The following AUTS2 variants were observed in gnomAD, a reference collection of about 807,000 sequenced individuals.
AUTS2 encodes the protein activator of transcription and developmental regulator AUTS2.
AUTS2 carries 17 observed loss-of-function variants against 112.4 expected under a neutral mutation model. That is an observed-to-expected ratio of 0.15 (90% CI 0.10 to 0.23). The LOEUF (loss-of-function observed/expected upper bound fraction) is 0.23, where lower values mean the gene tolerates loss of function less well. Ranked by LOEUF, AUTS2 falls within the 10% of genes least tolerant of loss-of-function variation. The probability of loss-of-function intolerance (pLI) is 1.00; values close to 1 mark genes in which losing one functional copy is unlikely to be tolerated. For missense variants in AUTS2, 1,510 were observed against 1,701.6 expected (o/e 0.89, Z 1.98); for synonymous variants, 751 against 702.7 (o/e 1.07, Z -1.09).
chr7:69,763,746 A>G (rs1209606647), intron 1 of AUTS2, among the ~76,000 whole-genome samples: 1 of 152,236 alleles, frequency 6.6e-6, no homozygotes, highest in African/African-American at 2.4e-5. Flanking sequence ...TGATGCCCTT[A>G]GAACAGTGCT....
chr7:70,363,360 C>T (rs1377627199), intron 4 of AUTS2, among the ~76,000 whole-genome samples: 1 of 140,750 alleles, frequency 7.1e-6, no homozygotes, highest in African/African-American at 3.2e-5. Context: ...TGCTAGATGA[C>T]ACATTGGTGG....
chr7:69,900,905 A>C (rs531985679), intron 2 of AUTS2, among the ~76,000 whole-genome samples: 1 of 152,160 alleles, frequency 6.6e-6, no homozygotes, highest in Non-Finnish European at 1.5e-5. Flanking sequence ...ACATTCAGTG[A>C]GGGAGTTTTT....
chr7:70,474,997 C>A (rs1204649613), intron 5 of AUTS2, among the ~76,000 whole-genome samples: 1 of 152,172 alleles, frequency 6.6e-6, no homozygotes, highest in African/African-American at 2.4e-5. Context: ...AGGGCAGTGA[C>A]ATTTATATCT....
chr7:69,774,009 T>C (rs1179148000), intron 1 of AUTS2, among the ~76,000 whole-genome samples: 1 of 152,226 alleles, frequency 6.6e-6, no homozygotes, highest in African/African-American at 2.4e-5. Flanking sequence ...GCAGGCAATG[T>C]GACCCAGTGC....
chr7:69,662,472 C>T (rs1045086635), intron 1 of AUTS2, among the ~76,000 whole-genome samples: 6 of 152,094 alleles, frequency 3.9e-5, no homozygotes, highest in African/African-American at 1.4e-4. Flanking sequence ...ACCAGTAGCA[C>T]CCCTCAAGTG....
At chr7:70,265,295 G>A (rs75395209) in intron 4 of AUTS2, among the ~76,000 whole-genome samples, 2,286 of 152,278 alleles carry the variant, frequency 0.015, 45 homozygotes, top group East Asian at 0.1. Flanking sequence ...GGCTGTCCCC[G>A]TTGTAAATCC....
rs751337002 is a variant in AUTS2, at chr7:70,766,118, A to G, written c.1473A>G (p.Gln491=). 1 of 1,612,664 alleles carries G rather than the reference A, an allele frequency of 6.2e-7. No individual in the cohort carries two copies. ...CTCCCTCTTCTTCTCTTCCAGAGCA[A>G]GACATCTTGCGACAGGAACTGAACA... ...GHPAGSTYSE[Q]DILRQELNTR... is the part of the protein sequence containing the mutation. Residue 491 remains glutamine, a synonymous_variant, in exon 9 of 19, where the codon CAA becomes CAG. Transcript: ENST00000342771. The surrounding 1 kb of genome is among the most constrained non-coding windows in gnomAD (Gnocchi z 4.8).
intron 5 of AUTS2, among the ~76,000 whole-genome samples, chr7:70,443,617 T>C (rs142135443): frequency 6.6e-6 from 1 of 152,302 alleles, no homozygotes; most frequent in Non-Finnish European, 1.5e-5. Flanking sequence ...CTCGGGTATA[T>C]GTGTGTGTAC....
chr7:70,443,710 C>T (rs6977656), intron 5 of AUTS2, among the ~76,000 whole-genome samples: 20,632 of 152,166 alleles, frequency 0.14, 1,817 homozygotes, highest in Non-Finnish European at 0.18. Flanking sequence ...GTCTTTCAGT[C>T]ATACATATCC....
At chr7:70,529,939 G>T (rs2129497624) in intron 5 of AUTS2, among the ~76,000 whole-genome samples, 2 of 152,314 alleles carry the variant, frequency 1.3e-5, no homozygotes, top group South Asian at 4.1e-4. Flanking sequence ...GGAAAAATAT[G>T]TTCTGGAAAA....
intron 1 of AUTS2, among the ~76,000 whole-genome samples, chr7:69,615,337 C>T (rs1006968263): frequency 4.6e-5 from 7 of 152,116 alleles, no homozygotes; most frequent in Non-Finnish European, 8.8e-5. Context: ...GAGTCTTGCT[C>T]TATCGCCCAG....
chr7:69,640,758 C>G (rs1315428936), intron 1 of AUTS2, among the ~76,000 whole-genome samples: 1 of 152,074 alleles, frequency 6.6e-6, no homozygotes, highest in Non-Finnish European at 1.5e-5. Flanking sequence ...TAATATCCCC[C>G]AGAACTTTGA....
intron 5 of AUTS2, among the ~76,000 whole-genome samples, chr7:70,680,221 A>C (rs888615922): frequency 1.1e-4 from 16 of 152,216 alleles, no homozygotes; most frequent in Non-Finnish European, 2.2e-4. Context: ...TTTATTTTTC[A>C]GCACAGAGAC....
At chr7:70,472,616 A>G (rs1797435801) in intron 5 of AUTS2, among the ~76,000 whole-genome samples, 1 of 152,234 alleles carries the variant, frequency 6.6e-6, no homozygotes, top group South Asian at 2.1e-4. Context: ...GCTGGATACA[A>G]TGAGGTAAGC....
chr7:70,119,672 A>G (rs976776358), intron 3 of AUTS2: 12 of 152,092 alleles, frequency 7.9e-5, no homozygotes, highest in African/African-American at 2.2e-4. Context: ...TAATTTTTGT[A>G]TTTTTAGTAG....
At chr7:70,548,136 T>C (rs1800864261) in intron 5 of AUTS2, among the ~76,000 whole-genome samples, 1 of 152,188 alleles carries the variant, frequency 6.6e-6, no homozygotes, top group Non-Finnish European at 1.5e-5. Context: ...ACCTTGTCGA[T>C]TTCTACCCGC....
intron 4 of AUTS2, among the ~76,000 whole-genome samples, chr7:70,262,842 A>G (rs953435286): frequency 5.3e-5 from 8 of 152,180 alleles, no homozygotes; most frequent in Admixed American, 3.9e-4. Context: ...TTATATTTAT[A>G]ATGAGGACAA....
chr7:70,120,884 A>G (rs577021564), intron 3 of AUTS2, among the ~76,000 whole-genome samples: 1 of 152,186 alleles, frequency 6.6e-6, no homozygotes, highest in Non-Finnish European at 1.5e-5. Context: ...TAAGGCCTTA[A>G]TAACCAACAC....
intron 3 of AUTS2, among the ~76,000 whole-genome samples, chr7:70,133,553 A>G (rs1289844679): frequency 6.6e-6 from 1 of 152,140 alleles, no homozygotes; most frequent in Non-Finnish European, 1.5e-5. Context: ...GGCAGAGGTC[A>G]TTTTGCTTCT....
Sources: gnomAD v4.1 joint callset for allele counts (sites outside exome capture counted in the v4.1 genomes callset) on GRCh38, gnomAD v4.1.1 for gene constraint, Gnocchi (gnomAD v3.1) non-coding constraint, MANE v1.5 for transcripts, NCBI Gene and HGNC (gene_info 2026-07-23, HGNC 2026-07-21) for gene names.